The following ATP7A variants were observed in gnomAD, a reference collection of about 807,000 sequenced individuals.
ATP7A encodes the protein ATPase copper transporting alpha, also known as copper-transporting ATPase 1.
ATP7A carries 7 observed loss-of-function variants against 83.5 expected under a neutral mutation model. The ratio of observed to expected loss-of-function variants is 0.08; its 90% confidence interval spans 0.05 to 0.16. ATP7A has a LOEUF of 0.16. ATP7A is among the 10% of genes least tolerant of loss of function. The pLI, the probability that ATP7A is intolerant of heterozygous loss-of-function variation, is 1.00. For synonymous variants in ATP7A, 354 were observed against 395.2 expected (o/e 0.90, Z 1.24); for missense variants, 940 against 1,120.8 (o/e 0.84, Z 2.30).
At chrX:77,915,245 G>T (rs1323624521) in intron 1 of ATP7A, among the ~76,000 whole-genome samples, 1 of 110,714 alleles carries the variant, frequency 9.0e-6, no homozygotes, top group African/African-American at 3.3e-5. Context: ...AGCCTGGAAG[G>T]TTGAGGCTGC....
Position 77,988,437 on chromosome X carries a change from A to C in ATP7A, c.316A>C (p.Thr106Pro). 8.3e-7 allele frequency: 1 copy of C among 1,211,711 alleles called. No homozygotes were observed. Among genetic ancestry groups the C allele is most frequent in the Non-Finnish European group, 1.1e-6 (1 of 895,444 alleles). ...LTLPWDHIQS[T>P]LLKTKGVTDI... The stretch of plus-strand genomic sequence containing the variant: ...TTTGCCATGGGACCATATCCAAAGC[A>C]CATTGCTGAAGACCAAGGGTGTGAC... Residue 106 changes from threonine to proline, a missense_variant, in exon 3 of 23, where the codon ACA (threonine) becomes CCA (proline). Around this residue, in one of 3 missense-constraint regions of ATP7A, gnomAD observed 350 missense variants for 432.8 expected, o/e 0.81. Coordinates refer to ENST00000341514, the MANE Select transcript of ATP7A (RefSeq NM_000052.7).
chrX:77,931,845 A>T, intron 1 of ATP7A, among the ~76,000 whole-genome samples: 1 of 65,787 alleles, frequency 1.5e-5, no homozygotes, highest in South Asian at 1.1e-3. Context: ...TCCCTCCCGG[A>T]CGGGGCGGCT....
At chrX:77,931,926 G>T (rs1318008937) in intron 1 of ATP7A, among the ~76,000 whole-genome samples, 2 of 98,451 alleles carry the variant, frequency 2.0e-5, no homozygotes, top group African/African-American at 3.8e-5. Flanking sequence ...CTCCCGGACC[G>T]GGCGGCTGGC....
chrX:78,026,316 A>T (rs182179593), intron 14 of ATP7A, among the ~76,000 whole-genome samples: 2 of 112,105 alleles, frequency 1.8e-5, no homozygotes, highest in East Asian at 5.6e-4. Context: ...TTAAATCAAC[A>T]ATAGTTTTAA....
intron 7 of ATP7A, 77 bp downstream of exon 7, chrX:78,009,340 C>A: frequency 9.5e-7 from 1 of 1,054,247 alleles, no homozygotes; most frequent in Non-Finnish European, 1.3e-6. Context: ...TGGTTTGCAT[C>A]AGATAGAGGC....
intron 1 of ATP7A, among the ~76,000 whole-genome samples, chrX:77,911,274 G>A (rs781985473): frequency 1.8e-5 from 2 of 112,433 alleles, no homozygotes; most frequent in East Asian, 2.8e-4. Flanking sequence ...CTCTGGGAGC[G>A]TAAGGTAAAC....
At chrX:78,011,070 C>A in intron 7 of ATP7A, 106 bp from the exon 8 acceptor site, 1 of 651,441 alleles carries the variant, frequency 1.5e-6, no homozygotes, top group Non-Finnish European at 2.5e-6. Flanking sequence ...GAGTGACTTG[C>A]CCTCAGTAAT....
At chrX:77,949,209 T>C (rs1238041319) in intron 1 of ATP7A, among the ~76,000 whole-genome samples, 1 of 112,168 alleles carries the variant, frequency 8.9e-6, no homozygotes, top group Non-Finnish European at 1.9e-5. Flanking sequence ...AATATTTATA[T>C]GTAGGGCCAC....
At chrX:77,970,999 T>TA (rs1399389500) in intron 1 of ATP7A, among the ~76,000 whole-genome samples, 2 of 111,810 alleles carry the variant, frequency 1.8e-5, no homozygotes, top group Non-Finnish European at 3.8e-5. Flanking sequence ...TAGTCCTCAT[T>TA]AAGGTTAGAT....
chrX:77,974,713 A>G (rs1408102717), intron 2 of ATP7A: 4 of 294,142 alleles, frequency 1.4e-5, no homozygotes, highest in Middle Eastern at 1.7e-3. Flanking sequence ...TTTTCTGCAT[A>G]TAGAGATGAT....
At chrX:77,921,370 G>A (rs901001089) in intron 1 of ATP7A, among the ~76,000 whole-genome samples, 4 of 112,028 alleles carry the variant, frequency 3.6e-5, no homozygotes, top group Non-Finnish European at 5.6e-5. Flanking sequence ...GTGAAATTAT[G>A]ATACGTTCAT....
rs147848649 is a variant in ATP7A at position 78,046,431 on chromosome X, G to A, written c.4364G>A (p.Arg1455Gln). The change falls in exon 23 of 23, where the codon CGG becomes CAG. Residue 1455 changes from arginine to glutamine, a missense_variant. Arg to Gln is a conservative substitution (Grantham distance 43, BLOSUM62 1). This residue lies in a region of ATP7A where 386 missense variants were observed against 502.2 expected (regional missense o/e 0.77). Transcript: ENST00000341514. ...RNSPKLGLLD[R>Q]IVNYSRASIN... ...TCTCCTAAACTGGGTTTGCTGGACC[G>A]GATTGTTAATTATAGCAGAGCCTCT... 210 of 1,209,469 alleles carry A rather than the reference G, an allele frequency of 1.7e-4. No individual in the cohort carries two copies. Among genetic ancestry groups the A allele is most frequent in the Middle Eastern group, 4.6e-4 (2 of 4,376 alleles).
rs148380008 is a variant in ATP7A, at chrX:77,959,420, T to G, written c.-21-12201T>G. 8.0e-5 allele frequency among the ~76,000 whole-genome samples: 9 copies of G among 112,021 alleles called. 1 individual carries two copies. The East Asian group carries it at 2.5e-3, about 31-fold the overall frequency. Reference sequence around the variant, plus strand: ...TCCCTGTTGCTACTTGCAGCTCTACTTCAAGCTTTCTCATTCTCAGTGCTA... The same window carrying G: ...TCCCTGTTGCTACTTGCAGCTCTACGTCAAGCTTTCTCATTCTCAGTGCTA... On this transcript the variant is annotated intron_variant, in intron 1 of 22. Transcript: ENST00000341514.
At chrX:77,981,994 G>A (rs2077607592) in intron 2 of ATP7A, among the ~76,000 whole-genome samples, 1 of 111,298 alleles carries the variant, frequency 9.0e-6, no homozygotes, top group African/African-American at 3.3e-5. Context: ...CTATATTGAA[G>A]CATCAAATAG....
intron 1 of ATP7A, among the ~76,000 whole-genome samples, chrX:77,941,350 T>C (rs1328300157): frequency 8.9e-6 from 1 of 111,827 alleles, no homozygotes; most frequent in Non-Finnish European, 1.9e-5. Context: ...TCTATCTTCT[T>C]TGGGGATAGT....
At position 77,960,439 on chromosome X, in the gene ATP7A, T is replaced by C. The variant is rs192337614; in HGVS notation, c.-21-11182T>C. 1.2e-4 allele frequency among the ~76,000 whole-genome samples: 14 copies of C among 112,247 alleles called. No homozygotes were observed. The East Asian group carries it at 3.6e-3, about 29-fold the overall frequency. On this transcript the variant is annotated intron_variant, in intron 1 of 22. Transcript: ENST00000341514. ...AACAAAACAAAACCCCAAAAAAGAA[T>C]TAAATCTTACTGCATGATTATTGAG...
Position 78,014,894 on chromosome X carries a change from C to T in ATP7A, c.2498+141C>T. ...TAAAAATTATCCACATTTTGCCATA[C>T]TTCATCTATCCATTTTGTCTGTCTT... On this transcript the variant is annotated intron_variant, in intron 11 of 22. Transcript: ENST00000341514. 1.2e-5 allele frequency: 6 copies of T among 490,918 alleles called. No homozygotes were observed. The South Asian group carries it at 1.6e-4, about 13-fold the overall frequency. 40.5% of individuals were successfully genotyped at this position (490,918 alleles called of 1,213,427 possible).
intron 15 of ATP7A, among the ~76,000 whole-genome samples, chrX:78,030,694 CT>C (rs781934660): frequency 1.2e-3 from 119 of 95,706 alleles, no homozygotes; most frequent in Middle Eastern, 5.4e-3. Flanking sequence ...TTCTTTCTTT[CT>C]TTTTTTTTTT....
In ATP7A at chrX:78,011,597, A is replaced by G; in HGVS notation, c.2095A>G (p.Met699Val). ...KEEMINLHSSMFLERQILPGL... is the reference protein window; with the variant it reads ...KEEMINLHSSVFLERQILPGL... ...AGAAATGATCAACCTTCATTCTTCT[A>G]TGTTCCTGGAGCGCCAGATTCTTCC... The change falls in exon 9 of 23, where the codon ATG (methionine) becomes GTG (valine). Residue 699 changes from methionine (M) to valine (V), a missense_variant. Transcript: ENST00000341514. 2 of 1,211,323 alleles carry G rather than the reference A, an allele frequency of 1.7e-6. No homozygotes were observed. Among genetic ancestry groups the G allele is most frequent in the Admixed American group, 2.2e-5 (1 of 45,938 alleles).
Sources: allele counts gnomAD v4.1 joint callset (sites outside exome capture counted in the v4.1 genomes callset), GRCh38; gene constraint gnomAD v4.1.1; regional missense constraint gnomAD v4.1.1; transcripts MANE v1.5; gene names NCBI Gene and HGNC (gene_info 2026-07-23, HGNC 2026-07-21).